GALNT13: variants seen among roughly 807,000 people sequenced by gnomAD.
The protein encoded by GALNT13 is polypeptide N-acetylgalactosaminyltransferase 13.
In GALNT13, 28 loss-of-function variants were observed where a neutral mutation model predicts 64.2. The ratio of observed to expected loss-of-function variants is 0.44; its 90% CI spans 0.32 to 0.60. GALNT13 has a LOEUF of 0.60. Among genes scored for constraint, GALNT13 ranks in the 20% least tolerant of loss-of-function variants. The probability of loss-of-function intolerance (pLI) is 0.05; values close to 1 mark genes in which losing one functional copy is unlikely to be tolerated. For synonymous variants in GALNT13, 214 were observed against 224.6 expected (o/e 0.95, Z 0.42); for missense variants, 577 against 669.8 (o/e 0.86, Z 1.53).
At chr2:154,202,486 C>T (rs1200537089) in intron 4 of GALNT13, among the ~76,000 whole-genome samples, 1 of 151,998 alleles carries the variant, frequency 6.6e-6, no homozygotes, top group Non-Finnish European at 1.5e-5. Context: ...TTATGACTCT[C>T]AGTATCCTCT....
the GALNT13 span, chr2:153,370,751 C>G: frequency 1.3e-5 from 2 of 152,420 alleles, no homozygotes; most frequent in Admixed American, 6.5e-5. Flanking sequence ...ACCCAAAATA[C>G]TTTGGATTTG....
the GALNT13 span, among the ~76,000 whole-genome samples, chr2:153,089,250 A>G: frequency 6.6e-6 from 1 of 152,182 alleles, no homozygotes; most frequent in African/African-American, 2.4e-5. Flanking sequence ...TTTTCTGAGT[A>G]CAAAATTCTT....
chr2:154,273,634 A>T (rs73007781), intron 8 of GALNT13, among the ~76,000 whole-genome samples: 1,729 of 152,302 alleles, frequency 0.011, 26 homozygotes, highest in African/African-American at 0.038. Flanking sequence ...ATATTTTTAG[A>T]TACACAAATA....
At position 154,450,914 on chromosome 2, in the gene GALNT13, A is replaced by C; in HGVS notation, c.*363A>C. The C allele has an allele frequency of 6.1e-6, 1 of 163,764 alleles. No individual in the cohort carries two copies. Among genetic ancestry groups the C allele is most frequent in the Non-Finnish European group, 1.3e-5 (1 of 75,426 alleles). The allele number at this position is 163,764 out of a possible 1,614,324, so 10.1% of individuals were successfully genotyped here. On this transcript the variant is annotated 3_prime_UTR_variant, in exon 13 of 13. Coordinates refer to ENST00000392825, the MANE Select transcript of GALNT13 (RefSeq NM_052917.4). ...AAAGAGATAATGTAAATGCCTTATA[A>C]AATCTTCATTATGAAATATTATCAG...
chr2:154,078,057 A>G (rs1036176626), intron 3 of GALNT13, among the ~76,000 whole-genome samples: 2 of 151,496 alleles, frequency 1.3e-5, no homozygotes, highest in Admixed American at 6.6e-5. Context: ...AACTATGGAT[A>G]TTTTCCAAAT....
chr2:153,798,106 C>T, the GALNT13 span, among the ~76,000 whole-genome samples: 1 of 152,160 alleles, frequency 6.6e-6, no homozygotes, highest in African/African-American at 2.4e-5. Flanking sequence ...AGAAGCCCTG[C>T]TCTACATTGT....
At position 154,411,045 on chromosome 2, in the gene GALNT13, A is replaced by G. The variant is rs183991398; in HGVS notation, c.1395+1963A>G. Among the ~76,000 whole-genome samples the G allele has an allele frequency of 2.3e-3, 345 of 152,050 alleles. 1 individual carries two copies. Among genetic ancestry groups the G allele is most frequent in the Non-Finnish European group, 4.1e-3 (279 of 67,860 alleles). On this transcript the variant is annotated intron_variant, in intron 11 of 12. Coordinates refer to ENST00000392825, the MANE Select transcript of GALNT13 (RefSeq NM_052917.4). ...GGAACATGGTGAGCACCTAACGAATACTAGGCAAGTAAATAGATGAAAGAT... is the reference window on the plus strand; with the variant it reads ...GGAACATGGTGAGCACCTAACGAATGCTAGGCAAGTAAATAGATGAAAGAT...
intron 9 of GALNT13, among the ~76,000 whole-genome samples, chr2:154,350,655 A>C (rs1378319899): frequency 6.6e-6 from 1 of 152,188 alleles, no homozygotes; most frequent in Non-Finnish European, 1.5e-5. Flanking sequence ...TATCTATCAT[A>C]TTAGTCCTAT....
chr2:153,277,908 C>CTTTTCTTTTTTTTTTT, the GALNT13 span, among the ~76,000 whole-genome samples: 15 of 69,620 alleles, frequency 2.2e-4, 1 homozygote, highest in Admixed American at 4.3e-4. Flanking sequence ...TTTCTTTTTT[C>CTTTTCTTTTTTTTTTT]TTTTGTTTTC....
At chr2:153,822,238 G>T in the GALNT13 span, among the ~76,000 whole-genome samples, 1 of 151,984 alleles carries the variant, frequency 6.6e-6, no homozygotes, top group African/African-American at 2.4e-5. Flanking sequence ...ATTCCACAAA[G>T]CCATCATCCC....
chr2:153,914,841 C>G (rs1025555795), intron 2 of GALNT13, among the ~76,000 whole-genome samples: 1 of 152,100 alleles, frequency 6.6e-6, no homozygotes, highest in African/African-American at 2.4e-5. Context: ...GAGGAAACCT[C>G]TTATTACATT....
chr2:153,882,691 C>G (rs1391165774), intron 1 of GALNT13, among the ~76,000 whole-genome samples: 1 of 150,564 alleles, frequency 6.6e-6, no homozygotes, highest in Non-Finnish European at 1.5e-5. Flanking sequence ...GTGGCATGAT[C>G]ATAGCTCACT....
chr2:153,431,696 C>T, the GALNT13 span, among the ~76,000 whole-genome samples: 1 of 152,188 alleles, frequency 6.6e-6, no homozygotes, highest in Non-Finnish European at 1.5e-5. Context: ...CAGCTTTCTG[C>T]ATCTGTCAAA....
rs150377368 is a variant in GALNT13 at position 154,074,560 on chromosome 2, G to A, written c.143-65777G>A. 2.8e-3 allele frequency among the ~76,000 whole-genome samples: 420 copies of A among 151,818 alleles called. 2 individuals carry two copies. Among genetic ancestry groups the A allele is most frequent in the South Asian group, 0.011 (55 of 4,818 alleles). On this transcript the variant is annotated intron_variant, in intron 3 of 12. Coordinates refer to ENST00000392825, the MANE Select transcript of GALNT13 (RefSeq NM_052917.4). ...AGGAGAGATTTGAGAATAAGATAAG[G>A]GACACCTCCCTGACTAATTCATTCT...
At chr2:153,997,802 G>A (rs1475986111) in intron 3 of GALNT13, among the ~76,000 whole-genome samples, 1 of 151,910 alleles carries the variant, frequency 6.6e-6, no homozygotes, top group East Asian at 1.9e-4. Context: ...TAGCCCCCGA[G>A]CCCCCGACAG....
the GALNT13 span, among the ~76,000 whole-genome samples, chr2:153,601,525 T>G: frequency 2.0e-5 from 3 of 151,632 alleles, no homozygotes; most frequent in Non-Finnish European, 2.9e-5. Flanking sequence ...TTTTCAACAT[T>G]CTCACATATT....
chr2:153,087,516 T>A, the GALNT13 span, among the ~76,000 whole-genome samples: 4 of 152,192 alleles, frequency 2.6e-5, no homozygotes, highest in Non-Finnish European at 5.9e-5. Context: ...GACAATTTGT[T>A]CTCTGTCTGT....
the GALNT13 span, among the ~76,000 whole-genome samples, chr2:153,127,194 A>T: frequency 6.6e-6 from 1 of 152,194 alleles, no homozygotes; most frequent in Admixed American, 6.5e-5. Context: ...ATTATAAATC[A>T]ATAATCCTAT....
chr2:153,543,504 A>G, the GALNT13 span, among the ~76,000 whole-genome samples: 5 of 152,238 alleles, frequency 3.3e-5, no homozygotes, highest in Non-Finnish European at 7.3e-5. Flanking sequence ...ATTGATAATT[A>G]TACATAAGAA....
Sources: allele counts gnomAD v4.1 joint callset (sites outside exome capture counted in the v4.1 genomes callset), GRCh38; gene constraint gnomAD v4.1.1; transcripts MANE v1.5; gene names NCBI Gene and HGNC (gene_info 2026-07-23, HGNC 2026-07-21).